CDKAL1: variants seen among roughly 807,000 people sequenced by gnomAD.
CDKAL1 encodes CDKAL1 threonylcarbamoyladenosine tRNA methylthiotransferase, also known as threonylcarbamoyladenosine tRNA methylthiotransferase.
A neutral mutation model predicts 68.2 loss-of-function variants in CDKAL1; 32 were observed. The ratio of observed to expected loss-of-function variants is 0.47; its 90% confidence interval spans 0.35 to 0.63. The LOEUF (loss-of-function observed/expected upper bound fraction) is 0.63. CDKAL1 is among the 30% of genes least tolerant of loss of function. The probability of loss-of-function intolerance (pLI) is 0.00; values close to 1 mark genes in which losing one functional copy is unlikely to be tolerated. For missense variants in CDKAL1, 606 were observed against 696.7 expected, an observed-to-expected ratio of 0.87 and a Z score of 1.47; for synonymous variants, 234 against 244.3, an observed-to-expected ratio of 0.96 and a Z score of 0.39.
intron 5 of CDKAL1, among the ~76,000 whole-genome samples, chr6:20,739,105 T>C (rs1773329752): frequency 6.6e-6 from 1 of 152,146 alleles, no homozygotes; most frequent in Admixed American, 6.5e-5. Context: ...TATTTTACTT[T>C]TATATTGGTC....
chr6:20,906,663 A>G (rs920900200), intron 9 of CDKAL1, among the ~76,000 whole-genome samples: 1 of 152,248 alleles, frequency 6.6e-6, no homozygotes. Flanking sequence ...GTTGGACATT[A>G]AAAGTCAGGG....
At position 20,878,273 on chromosome 6, in the gene CDKAL1, A is replaced by G. The variant is rs543648091; in HGVS notation, c.742+32095A>G. Among the ~76,000 whole-genome samples the G allele has an allele frequency of 4.6e-5, 7 of 152,286 alleles. 1 individual carries two copies. The highest frequency in any genetic ancestry group is 1.7e-4 in the African/African-American group (7 of 41,548). On this transcript the variant is annotated intron_variant, in intron 9 of 15. Coordinates refer to ENST00000274695, the MANE Select transcript of CDKAL1 (RefSeq NM_017774.3). Reference sequence around the variant, plus strand: ...AGTGGAGACCCAGGCTTTAGATAGTAACTGGGAACAACAAGATCGAATTTC... The same window carrying G: ...AGTGGAGACCCAGGCTTTAGATAGTGACTGGGAACAACAAGATCGAATTTC...
intron 13 of CDKAL1, 23 bp downstream of exon 13, chr6:21,108,486 A>G: frequency 6.8e-7 from 1 of 1,468,348 alleles, no homozygotes; most frequent in Non-Finnish European, 9.4e-7. Flanking sequence ...TGTTAATAGC[A>G]TATTAAGTAT....
In CDKAL1 at chr6:20,930,791, CT is replaced by C. The variant is rs548568215; in HGVS notation, c.743-24627del. ...CAAGAGTCTCGCTCTGTTGCCCAGG[CT>C]GGAGTACAGTGACATGATCTCAGCT... On this transcript the variant is annotated intron_variant, in intron 9 of 15. Coordinates refer to ENST00000274695, the MANE Select transcript of CDKAL1 (RefSeq NM_017774.3). Among the ~76,000 whole-genome samples the C allele has an allele frequency of 4.1e-3, 613 of 150,256 alleles. 2 individuals carry two copies. Among genetic ancestry groups the C allele is most frequent in the Admixed American group, 7.4e-3 (111 of 15,046 alleles).
chr6:20,885,267 A>T (rs1427185019), intron 9 of CDKAL1, among the ~76,000 whole-genome samples: 3 of 152,200 alleles, frequency 2.0e-5, no homozygotes, highest in Admixed American at 1.3e-4. Context: ...CCAATTTCAG[A>T]ACCTACTACA....
intron 9 of CDKAL1, among the ~76,000 whole-genome samples, chr6:20,909,736 T>G (rs1449953655): frequency 6.6e-6 from 1 of 152,120 alleles, no homozygotes; most frequent in African/African-American, 2.4e-5. Flanking sequence ...CCAGGGAGGT[T>G]GAGAATGCAG....
intron 10 of CDKAL1, among the ~76,000 whole-genome samples, chr6:20,990,885 G>A (rs1205006672): frequency 6.6e-6 from 1 of 152,170 alleles, no homozygotes; most frequent in Non-Finnish European, 1.5e-5. Flanking sequence ...TAGGACTTAT[G>A]CCAAAATAAC....
intron 10 of CDKAL1, among the ~76,000 whole-genome samples, chr6:20,990,840 G>A (rs557511229): frequency 2.6e-4 from 40 of 152,300 alleles, no homozygotes; most frequent in Non-Finnish European, 4.7e-4. Context: ...TAGAACACTG[G>A]CATTGGTCTT....
chr6:20,878,473 C>T (rs1760646443), intron 9 of CDKAL1, among the ~76,000 whole-genome samples: 1 of 152,226 alleles, frequency 6.6e-6, no homozygotes, highest in Admixed American at 6.5e-5. Flanking sequence ...GGTGCAGTGG[C>T]TCACGCCTGT....
intron 11 of CDKAL1, among the ~76,000 whole-genome samples, chr6:21,042,110 C>T (rs1171617715): frequency 1.3e-5 from 2 of 152,134 alleles, no homozygotes; most frequent in African/African-American, 4.8e-5. Context: ...AATGTTTTAA[C>T]TACCAGGGAA....
intron 9 of CDKAL1, among the ~76,000 whole-genome samples, chr6:20,896,119 T>TTTATG (rs757829127): frequency 7.3e-6 from 1 of 136,440 alleles, no homozygotes; most frequent in Non-Finnish European, 1.6e-5. Flanking sequence ...TTTTTTTTTT[T>TTTATG]GAGATGGAGT....
chr6:20,763,095 A>G (rs1774539408), intron 7 of CDKAL1, among the ~76,000 whole-genome samples: 1 of 152,086 alleles, frequency 6.6e-6, no homozygotes, highest in Non-Finnish European at 1.5e-5. Flanking sequence ...GTGTCCTTGG[A>G]GGCTGACCTG....
intron 9 of CDKAL1, among the ~76,000 whole-genome samples, chr6:20,896,446 A>C (rs549734886): frequency 8.5e-5 from 13 of 152,230 alleles, no homozygotes; most frequent in Non-Finnish European, 1.5e-4. Flanking sequence ...ATGGGGTAGG[A>C]AGAATAGATA....
chr6:20,755,000 T>A (rs1321358786), intron 6 of CDKAL1, among the ~76,000 whole-genome samples: 1 of 152,232 alleles, frequency 6.6e-6, no homozygotes, highest in African/African-American at 2.4e-5. Context: ...AAATATGGCT[T>A]CTTATTCAGT....
chr6:20,560,733 G>A (rs146093934), intron 4 of CDKAL1, among the ~76,000 whole-genome samples: 5 of 152,254 alleles, frequency 3.3e-5, no homozygotes, highest in Admixed American at 1.3e-4. Context: ...ATGGTTAAGG[G>A]GGAAGTGATT....
At chr6:20,699,001 A>T (rs1046585521) in intron 5 of CDKAL1, among the ~76,000 whole-genome samples, 1 of 152,186 alleles carries the variant, frequency 6.6e-6, no homozygotes, top group Non-Finnish European at 1.5e-5. Context: ...GATAAGTTTT[A>T]AAAACTCTCT....
chr6:20,787,055 G>T (rs1484647093), intron 8 of CDKAL1, among the ~76,000 whole-genome samples: 3 of 151,988 alleles, frequency 2.0e-5, no homozygotes, highest in African/African-American at 7.2e-5. Flanking sequence ...ATTATCCTTA[G>T]CTTGAAGGTT....
intron 10 of CDKAL1, among the ~76,000 whole-genome samples, chr6:20,958,381 A>G (rs1764892163): frequency 6.6e-6 from 1 of 152,132 alleles, no homozygotes; most frequent in Non-Finnish European, 1.5e-5. Flanking sequence ...CCACAAACAC[A>G]TCGTATGTAA....
chr6:20,810,445 C>T (rs74442125), intron 8 of CDKAL1, among the ~76,000 whole-genome samples: 10,164 of 126,784 alleles, frequency 0.08, 559 homozygotes, highest in Non-Finnish European at 0.12. Flanking sequence ...CACACACACA[C>T]GTGGTGTCAT....
Sources: allele counts gnomAD v4.1 joint callset (sites outside exome capture counted in the v4.1 genomes callset), GRCh38; gene constraint gnomAD v4.1.1; transcripts MANE v1.5; gene names NCBI Gene and HGNC (gene_info 2026-07-23, HGNC 2026-07-21).